MMADHC: variants seen among roughly 807,000 people sequenced by gnomAD.
The protein encoded by MMADHC is metabolism of cobalamin associated D, also known as cobalamin trafficking protein CblD.
MMADHC carries 23 observed loss-of-function variants against 36.3 expected under a neutral mutation model. The ratio of observed to expected loss-of-function variants is 0.63; its 90% CI spans 0.46 to 0.90. MMADHC has a LOEUF of 0.90. Among genes scored for constraint, MMADHC ranks in the 40% least tolerant of loss-of-function variants. MMADHC has a pLI of 0.00. For synonymous variants in MMADHC, 97 were observed against 116.1 expected (o/e 0.84, Z 1.06); for missense variants, 330 against 348.0 (o/e 0.95, Z 0.41).
rs1400433293 is a variant in MMADHC, at chr2:149,582,815, A to G, written c.10-544T>C. Among the ~76,000 whole-genome samples, 5 of 152,166 alleles carry G rather than the reference A, an allele frequency of 3.3e-5. No homozygotes were observed. The East Asian group carries it at 9.6e-4, about 29-fold the overall frequency. On this transcript the variant is annotated intron_variant, in intron 2 of 7. Transcript: ENST00000303319. ...TTTTCTGCTTATATGTTCACTTACTAGACAGTGAGGTCATGTATTACAATG... is the reference window on the plus strand; with the variant it reads ...TTTTCTGCTTATATGTTCACTTACTGGACAGTGAGGTCATGTATTACAATG...
intron 4 of MMADHC, among the ~76,000 whole-genome samples, chr2:149,578,643 A>T (rs933392438): frequency 6.6e-6 from 1 of 152,194 alleles, no homozygotes; most frequent in African/African-American, 2.4e-5. Context: ...GTTGGTAGAC[A>T]GGAAGAACAA....
intron 4 of MMADHC, among the ~76,000 whole-genome samples, chr2:149,579,167 T>C (rs1682758478): frequency 6.6e-6 from 1 of 151,924 alleles, no homozygotes; most frequent in South Asian, 2.1e-4. Flanking sequence ...AATTACATTA[T>C]GTATATCTAG....
At chr2:149,576,348 G>T (rs772447888) in intron 5 of MMADHC, 89 bp downstream of exon 5, 37 of 873,718 alleles carry the variant, frequency 4.2e-5, no homozygotes, top group African/African-American at 1.0e-4. Context: ...TAATATTAAG[G>T]TATACAGCGT....
At chr2:149,575,659 A>G in intron 6 of MMADHC, 52 bp downstream of exon 6, 1 of 1,452,112 alleles carries the variant, frequency 6.9e-7, no homozygotes, top group Non-Finnish European at 9.5e-7. Context: ...TTGGTTCACT[A>G]TTACTTAAAT....
chr2:149,584,644 T>C (rs1013707305), intron 2 of MMADHC, among the ~76,000 whole-genome samples: 1 of 152,174 alleles, frequency 6.6e-6, no homozygotes, highest in African/African-American at 2.4e-5. Flanking sequence ...AAAATCCAAT[T>C]ACCAAATTTC....
chr2:149,575,870 G>C, intron 5 of MMADHC, 29 bp from the exon 6 acceptor site: 1 of 1,529,738 alleles, frequency 6.5e-7, no homozygotes, highest in South Asian at 1.2e-5. Context: ...ATTCCAGGTA[G>C]AAAAGAATTT....
rs555220374 is a variant in MMADHC at position 149,569,887 on chromosome 2, A to G, written c.*87T>C. 5 of 1,168,586 alleles carry G rather than the reference A, an allele frequency of 4.3e-6. No homozygotes were observed. The highest frequency in any genetic ancestry group is 3.1e-5 in the African/African-American group (2 of 64,146). 72.4% of individuals were successfully genotyped at this position (1,168,586 alleles called of 1,614,324 possible). Reference sequence around the variant, plus strand: ...CTGAAATAAATACTTAGAAATAAATATATTTTAAAAACTTTAGTCTGACAG... The same window carrying G: ...CTGAAATAAATACTTAGAAATAAATGTATTTTAAAAACTTTAGTCTGACAG... On this transcript the variant is annotated 3_prime_UTR_variant, in exon 8 of 8. Transcript: ENST00000303319.
intron 6 of MMADHC, among the ~76,000 whole-genome samples, chr2:149,571,790 GA>G (rs5835261): frequency 4.2e-5 from 6 of 142,060 alleles, no homozygotes; most frequent in South Asian, 2.2e-4. Flanking sequence ...AAAAAAAAAA[GA>G]AAAAAAAAAA....
At chr2:149,575,541 C>CT (rs1682701806) in intron 6 of MMADHC, among the ~76,000 whole-genome samples, 170 bp downstream of exon 6, 1 of 152,098 alleles carries the variant, frequency 6.6e-6, no homozygotes, top group East Asian at 1.9e-4. Context: ...TTTAAGGATA[C>CT]TAAAAAGCTG....
chr2:149,585,293 T>C (rs995891029), intron 2 of MMADHC, among the ~76,000 whole-genome samples: 7 of 152,150 alleles, frequency 4.6e-5, no homozygotes, highest in African/African-American at 9.7e-5. Flanking sequence ...TGCTATTATG[T>C]TTTAACTGTA....
intron 2 of MMADHC, among the ~76,000 whole-genome samples, chr2:149,583,177 T>G (rs1204653249): frequency 6.6e-6 from 1 of 152,104 alleles, no homozygotes; most frequent in Non-Finnish European, 1.5e-5. Context: ...GAAAAAGATG[T>G]AAAAACAAAT....
chr2:149,584,451 G>A (rs770370428), intron 2 of MMADHC, among the ~76,000 whole-genome samples: 5 of 152,010 alleles, frequency 3.3e-5, no homozygotes, highest in African/African-American at 4.8e-5. Context: ...CATTCACATC[G>A]TTTCACAAGC....
At chr2:149,572,882 G>C (rs1682664455) in intron 6 of MMADHC, among the ~76,000 whole-genome samples, 1 of 152,148 alleles carries the variant, frequency 6.6e-6, no homozygotes, top group African/African-American at 2.4e-5. Flanking sequence ...GAGATCTCCA[G>C]AAGTCCAAGC....
chr2:149,573,360 G>A (rs1682671166), intron 6 of MMADHC, among the ~76,000 whole-genome samples: 1 of 152,148 alleles, frequency 6.6e-6, no homozygotes, highest in Non-Finnish European at 1.5e-5. Flanking sequence ...AACCCTGTAA[G>A]GAAAGTAACT....
Position 149,571,073 on chromosome 2 carries a change from ATAAT to A in MMADHC, c.696+8_696+11del, listed in dbSNP as rs1288070641. ...CTTCATATAATCTGATTTTCAAATG[ATAAT>A]TACTCACTGCCAAACCAGATGATGG... On this transcript the variant is annotated splice_region_variant and intron_variant, in intron 7 of 7. Coordinates refer to ENST00000303319, the MANE Select transcript of MMADHC (RefSeq NM_015702.3). The A allele has an allele frequency of 1.3e-6, 2 of 1,579,030 alleles. No individual in the cohort carries two copies. Among genetic ancestry groups the A allele is most frequent in the African/African-American group, 2.7e-5 (2 of 74,186 alleles).
At chr2:149,577,983 A>C (rs554687442) in intron 4 of MMADHC, among the ~76,000 whole-genome samples, 1 of 152,178 alleles carries the variant, frequency 6.6e-6, no homozygotes, top group African/African-American at 2.4e-5. Context: ...GCACCACTGC[A>C]CTCTAGCCTG....
intron 5 of MMADHC, among the ~76,000 whole-genome samples, chr2:149,576,133 A>C (rs1346590403): frequency 6.6e-6 from 1 of 152,176 alleles, no homozygotes; most frequent in East Asian, 1.9e-4. Context: ...CTTACTGTTA[A>C]GATTTTTCCG....
chr2:149,579,031 A>C (rs1475387848), intron 4 of MMADHC, among the ~76,000 whole-genome samples: 1 of 149,970 alleles, frequency 6.7e-6, no homozygotes, highest in Non-Finnish European at 1.5e-5. Context: ...GAGATCTCAA[A>C]TTTTTCTTAA....
chr2:149,576,594 G>GTATCT (rs1558846898), intron 4 of MMADHC, 52 bp from the exon 5 acceptor site: 1 of 1,228,932 alleles, frequency 8.1e-7, no homozygotes, highest in Non-Finnish European at 1.2e-6. Context: ...AAATAAAACG[G>GTATCT]TATCTTGCCT....
Sources: allele counts gnomAD v4.1 joint callset (sites outside exome capture counted in the v4.1 genomes callset), GRCh38; gene constraint gnomAD v4.1.1; transcripts MANE v1.5; gene names NCBI Gene and HGNC (gene_info 2026-07-23, HGNC 2026-07-21).